The following MAML3 variants were observed in gnomAD, a reference collection of about 807,000 sequenced individuals.
MAML3 encodes the protein mastermind-like protein 3.
In MAML3, 27 loss-of-function variants were observed where a neutral mutation model predicts 101.9. The ratio of observed to expected loss-of-function variants is 0.27; its 90% CI spans 0.20 to 0.37. The LOEUF is 0.37. MAML3 is among the 10% of genes least tolerant of loss of function. The pLI, the probability that MAML3 is intolerant of heterozygous loss-of-function variation, is 1.00. For synonymous variants in MAML3, 501 were observed against 555.9 expected, an observed-to-expected ratio of 0.90 and a Z score of 1.39; for missense variants, 1,316 against 1,444.9, an observed-to-expected ratio of 0.91 and a Z score of 1.45.
In MAML3 at chr4:139,730,575, G is replaced by A. The variant is rs778933002; in HGVS notation, c.2172C>T (p.Pro724=). The part of the protein sequence containing the change: ...GSGGMVSGAS[P]AGPGFLGSQP... ...GGCTGCCCAGGAAGCCGGGGCCTGC[G>A]GGACTGGCTCCTGAGACCATGCCAC... Residue 724 remains proline, a synonymous_variant, in exon 3 of 5, where the codon CCC becomes CCT. Coordinates refer to ENST00000509479, the MANE Select transcript of MAML3 (RefSeq NM_018717.5). 1.2e-5 allele frequency: 19 copies of A among 1,604,788 alleles called. No homozygotes were observed. The highest frequency in any genetic ancestry group is 2.2e-5 in the East Asian group (1 of 44,496).
Position 139,937,322 on chromosome 4 carries a change from T to C in MAML3, c.469-46355A>G, listed in dbSNP as rs936638463. ...CAACAAAACACCACAAGATTTCATATTATTGATGACATAAAGTGAATTAAG... is the reference window on the plus strand; with the variant it reads ...CAACAAAACACCACAAGATTTCATACTATTGATGACATAAAGTGAATTAAG... On this transcript the variant is annotated intron_variant, in intron 1 of 4. Coordinates refer to ENST00000509479, the MANE Select transcript of MAML3 (RefSeq NM_018717.5). Among the ~76,000 whole-genome samples, 19 of 152,150 alleles carry C rather than the reference T, an allele frequency of 1.2e-4. 1 individual carries two copies. The highest frequency in any genetic ancestry group is 1.2e-3 in the Admixed American group (19 of 15,284).
intron 1 of MAML3, among the ~76,000 whole-genome samples, chr4:139,919,496 C>T (rs1359174667): frequency 6.6e-6 from 1 of 152,094 alleles, no homozygotes; most frequent in Non-Finnish European, 1.5e-5. Context: ...CTTAACTTTC[C>T]TTCTTTCTTT....
intron 2 of MAML3, among the ~76,000 whole-genome samples, chr4:139,862,773 A>C (rs10018098): frequency 6.6e-6 from 1 of 152,214 alleles, no homozygotes; most frequent in East Asian, 1.9e-4. Flanking sequence ...TAGAACTAGA[A>C]TAGGACTCTG....
chr4:139,721,325 G>A (rs188557578), intron 4 of MAML3, among the ~76,000 whole-genome samples: 174 of 152,260 alleles, frequency 1.1e-3, no homozygotes, highest in Middle Eastern at 3.4e-3. Flanking sequence ...ACCAGTCAAC[G>A]TTGCAAAGGT....
intron 1 of MAML3, among the ~76,000 whole-genome samples, chr4:140,033,242 A>C (rs567314243): frequency 6.6e-6 from 1 of 152,356 alleles, no homozygotes; most frequent in South Asian, 2.1e-4. Flanking sequence ...ATTTATAACT[A>C]AGCCCTGTGG....
At chr4:139,931,063 CGT>C (rs1733383880) in intron 1 of MAML3, among the ~76,000 whole-genome samples, 1 of 152,036 alleles carries the variant, frequency 6.6e-6, no homozygotes, top group Non-Finnish European at 1.5e-5. Flanking sequence ...GGTTATGGCT[CGT>C]GTCCCAAGTT....
chr4:140,084,596 C>G (rs1238905266), intron 1 of MAML3, among the ~76,000 whole-genome samples: 2 of 152,066 alleles, frequency 1.3e-5, no homozygotes, highest in African/African-American at 4.8e-5. Context: ...CCTCCTTTCC[C>G]ACCACTTTAT....
At chr4:140,107,428 TG>T (rs1728370662) in intron 1 of MAML3, among the ~76,000 whole-genome samples, 1 of 152,082 alleles carries the variant, frequency 6.6e-6, no homozygotes, top group South Asian at 2.1e-4. Context: ...CTAGCACTGA[TG>T]GGTTACCAGT....
At chr4:139,808,319 A>G (rs1469460602) in intron 2 of MAML3, among the ~76,000 whole-genome samples, 1 of 152,230 alleles carries the variant, frequency 6.6e-6, no homozygotes, top group Non-Finnish European at 1.5e-5. Flanking sequence ...CAATATTTTC[A>G]ATGAACACAC....
chr4:140,147,122 A>G (rs1302869219), intron 1 of MAML3, among the ~76,000 whole-genome samples: 1 of 101,044 alleles, frequency 9.9e-6, no homozygotes, highest in Non-Finnish European at 1.9e-5. Flanking sequence ...GCAGAGTGAG[A>G]CTCCATCTCA....
chr4:139,812,572 G>A (rs1730823971), intron 2 of MAML3, among the ~76,000 whole-genome samples: 2 of 152,168 alleles, frequency 1.3e-5, no homozygotes, highest in Non-Finnish European at 2.9e-5. Flanking sequence ...TTCAGTGGTC[G>A]GATAATCTTA....
chr4:139,814,995 A>C (rs552932572), intron 2 of MAML3, among the ~76,000 whole-genome samples: 2 of 152,376 alleles, frequency 1.3e-5, no homozygotes, highest in African/African-American at 4.8e-5. Flanking sequence ...TAGGCCAAGG[A>C]AAAGTCACTC....
chr4:140,117,684 T>C (rs939828235), intron 1 of MAML3, among the ~76,000 whole-genome samples: 1 of 151,770 alleles, frequency 6.6e-6, no homozygotes, highest in South Asian at 2.1e-4. Context: ...CGTATGTGTA[T>C]ATATAATCTC....
chr4:139,730,987 G>C, intron 2 of MAML3: 1 of 344,186 alleles, frequency 2.9e-6, no homozygotes, highest in Non-Finnish European at 5.4e-6. Flanking sequence ...CAAGGAAAGG[G>C]AATAAGCCCT....
At chr4:139,726,887 A>G (rs1388756925) in intron 3 of MAML3, among the ~76,000 whole-genome samples, 1 of 152,180 alleles carries the variant, frequency 6.6e-6, no homozygotes, top group Non-Finnish European at 1.5e-5. Flanking sequence ...ATGTAGAAAG[A>G]GCAGAGAAAG....
intron 1 of MAML3, among the ~76,000 whole-genome samples, chr4:139,919,598 C>T (rs1733087095): frequency 6.6e-6 from 1 of 152,162 alleles, no homozygotes; most frequent in Non-Finnish European, 1.5e-5. Context: ...GATTCTGCTC[C>T]TGCCACTGAG....
intron 2 of MAML3, among the ~76,000 whole-genome samples, chr4:139,788,751 T>C (rs6823459): frequency 0.92 from 139,880 of 152,312 alleles, 64,379 homozygotes; most frequent in East Asian, 1. Flanking sequence ...CCTCCTTCTT[T>C]TGTTCCTAGA....
At chr4:140,097,440 G>A (rs974193729) in intron 1 of MAML3, among the ~76,000 whole-genome samples, 1 of 152,122 alleles carries the variant, frequency 6.6e-6, no homozygotes, top group East Asian at 1.9e-4. Flanking sequence ...GGTCATTTCC[G>A]TAGTGGGTCA....
At position 140,032,250 on chromosome 4, in the gene MAML3, G is replaced by A. The variant is rs71606870; in HGVS notation, c.468+120610C>T. On this transcript the variant is annotated intron_variant, in intron 1 of 4. Coordinates refer to ENST00000509479, the MANE Select transcript of MAML3 (RefSeq NM_018717.5). ...CACTCATTTTCAAAGACAAGGCAAGGGAAGCTAAAAGAGGTTAAGTGCCCT... is the reference window on the plus strand; with the variant it reads ...CACTCATTTTCAAAGACAAGGCAAGAGAAGCTAAAAGAGGTTAAGTGCCCT... 4.5e-3 allele frequency among the ~76,000 whole-genome samples: 691 copies of A among 152,222 alleles called. 2 individuals carry two copies. Among genetic ancestry groups the A allele is most frequent in the Non-Finnish European group, 7.9e-3 (539 of 68,028 alleles).
Sources: gnomAD v4.1 joint callset for allele counts (sites outside exome capture counted in the v4.1 genomes callset) on GRCh38, gnomAD v4.1.1 for gene constraint, MANE v1.5 for transcripts, NCBI Gene and HGNC (gene_info 2026-07-23, HGNC 2026-07-21) for gene names.